Variants in AGBL1 observed in about 807,000 individuals in gnomAD.
The protein encoded by AGBL1 is cytosolic carboxypeptidase 4.
Under a neutral mutation model 118.9 loss-of-function variants are expected in AGBL1, and 130 were observed. That is an observed-to-expected ratio of 1.09 (90% CI 0.95 to 1.26). The LOEUF (loss-of-function observed/expected upper bound fraction) is 1.26, where lower values mean the gene tolerates loss of function less well. Among genes scored for constraint, AGBL1 ranks in the 50% most tolerant of loss-of-function variants. The pLI is 0.00. For missense variants in AGBL1, 1,584 were observed against 1,298.1 expected (o/e 1.22, Z -3.38); for synonymous variants, 555 against 478.9 (o/e 1.16, Z -2.08).
intron 5 of AGBL1, among the ~76,000 whole-genome samples, chr15:86,179,674 T>C (rs2077526860): frequency 6.6e-6 from 1 of 152,206 alleles, no homozygotes; most frequent in Non-Finnish European, 1.5e-5. Context: ...TCATTAAATC[T>C]ATTTAACATT....
intron 21 of AGBL1, among the ~76,000 whole-genome samples, chr15:86,660,191 C>A (rs2085517142): frequency 6.6e-6 from 1 of 151,916 alleles, no homozygotes; most frequent in Non-Finnish European, 1.5e-5. Flanking sequence ...AAAGGAGGGA[C>A]TGCAGTATCT....
In AGBL1 at chr15:86,910,636, T is replaced by G. The variant is rs1395890551; in HGVS notation, c.*3342T>G. 1.3e-5 allele frequency: 2 copies of G among 152,182 alleles called. No individual in the cohort carries two copies. Among genetic ancestry groups the G allele is most frequent in the African/African-American group, 4.8e-5 (2 of 41,440 alleles). 9.4% of individuals were successfully genotyped at this position (152,182 alleles called of 1,614,324 possible). ...TTGCATTCAGGTCAAAGATAATAAGTGCAGTTTGGGGACATGTTAAATGTT... is the reference window on the plus strand; with the variant it reads ...TTGCATTCAGGTCAAAGATAATAAGGGCAGTTTGGGGACATGTTAAATGTT... On this transcript the variant is annotated 3_prime_UTR_variant, in exon 23 of 23. Coordinates refer to ENST00000614907, the MANE Select transcript of AGBL1 (RefSeq NM_001386094.1).
At chr15:86,499,158 A>G (rs1490950131) in intron 18 of AGBL1, among the ~76,000 whole-genome samples, 1 of 151,910 alleles carries the variant, frequency 6.6e-6, no homozygotes, top group Non-Finnish European at 1.5e-5. Flanking sequence ...CAGAGAAACA[A>G]AGTTCTTATT....
chr15:86,460,379 C>T (rs1043053309), intron 18 of AGBL1, among the ~76,000 whole-genome samples: 1 of 147,548 alleles, frequency 6.8e-6, no homozygotes, highest in Non-Finnish European at 1.5e-5. Flanking sequence ...ACCTATAGTC[C>T]TAGCTACTTG....
At chr15:86,402,242 A>T (rs1046756180) in intron 18 of AGBL1, among the ~76,000 whole-genome samples, 3 of 151,610 alleles carry the variant, frequency 2.0e-5, no homozygotes, top group Admixed American at 6.6e-5. Context: ...AAAGTGACTG[A>T]GTTCTTGATT....
At position 86,909,937 on chromosome 15, in the gene AGBL1, T is replaced by G. The variant is rs1344816489; in HGVS notation, c.*2643T>G. ...GGAACATGAAGTATTTGTTGATCCA[T>G]CTATGTAACAAATGTATATTTAACC... On this transcript the variant is annotated 3_prime_UTR_variant, in exon 23 of 23. Coordinates refer to ENST00000614907, the MANE Select transcript of AGBL1 (RefSeq NM_001386094.1). The G allele has an allele frequency of 6.6e-6, 1 of 152,250 alleles. No homozygotes were observed. Among genetic ancestry groups the G allele is most frequent in the Non-Finnish European group, 1.5e-5 (1 of 68,046 alleles). The allele number at this position is 152,250 out of a possible 1,614,324, so 9.4% of individuals were successfully genotyped here.
In AGBL1 at chr15:86,762,387, C is replaced by T. The variant is rs573099556; in HGVS notation, c.3158+87951C>T. Among the ~76,000 whole-genome samples, 5 of 151,936 alleles carry T rather than the reference C, an allele frequency of 3.3e-5. No homozygotes were observed. In the East Asian group the frequency reaches 5.8e-4, roughly 18 times the overall value. ...CCAGAACTTAAAAAAATAAAAAATA[C>T]CCCCTGCCCCCTGCAAAAGATGAGC... On this transcript the variant is annotated intron_variant, in intron 22 of 22. Transcript: ENST00000614907.
At chr15:86,879,019 G>A (rs1217352728) in intron 22 of AGBL1, among the ~76,000 whole-genome samples, 3 of 152,246 alleles carry the variant, frequency 2.0e-5, no homozygotes, top group Non-Finnish European at 4.4e-5. Flanking sequence ...GCAGGAGCAT[G>A]AGTCAGACCA....
chr15:86,412,024 C>T (rs1371623324), intron 18 of AGBL1, among the ~76,000 whole-genome samples: 1 of 152,092 alleles, frequency 6.6e-6, no homozygotes, highest in Non-Finnish European at 1.5e-5. Context: ...AGACATTTGG[C>T]CCAAGGAATC....
chr15:86,359,879 G>A (rs2080777765), intron 17 of AGBL1, among the ~76,000 whole-genome samples: 1 of 151,860 alleles, frequency 6.6e-6, no homozygotes, highest in African/African-American at 2.4e-5. Context: ...GTGTAGAGAA[G>A]TGTGACTAAT....
chr15:86,666,402 C>T (rs1567111360), intron 21 of AGBL1, among the ~76,000 whole-genome samples: 1 of 151,942 alleles, frequency 6.6e-6, no homozygotes, highest in Non-Finnish European at 1.5e-5. Context: ...TCAATTGTTG[C>T]CCTATCTCTA....
intron 22 of AGBL1, among the ~76,000 whole-genome samples, chr15:86,818,900 C>A (rs2078901541): frequency 6.6e-6 from 1 of 152,090 alleles, no homozygotes; most frequent in Admixed American, 6.6e-5. Flanking sequence ...AATTCCTACT[C>A]CATGGTATTA....
chr15:86,310,216 G>A (rs1193237915), intron 17 of AGBL1, among the ~76,000 whole-genome samples: 1 of 152,180 alleles, frequency 6.6e-6, no homozygotes, highest in Non-Finnish European at 1.5e-5. Flanking sequence ...TGTTGCCACA[G>A]AATTGTTCAT....
chr15:86,185,519 A>G (rs185243817), intron 5 of AGBL1, among the ~76,000 whole-genome samples: 2 of 152,310 alleles, frequency 1.3e-5, no homozygotes, highest in East Asian at 1.9e-4. Context: ...ATGTCCATCA[A>G]TGATAGACTG....
intron 18 of AGBL1, among the ~76,000 whole-genome samples, chr15:86,423,072 C>T (rs2081814191): frequency 6.6e-6 from 1 of 152,180 alleles, no homozygotes; most frequent in African/African-American, 2.4e-5. Context: ...AGGGACTCCT[C>T]CCTAACTCAT....
intron 22 of AGBL1, among the ~76,000 whole-genome samples, chr15:86,783,911 G>T (rs755329572): frequency 1.3e-5 from 2 of 152,176 alleles, no homozygotes; most frequent in Non-Finnish European, 2.9e-5. Flanking sequence ...GATTACAGGC[G>T]TGAGCCACCA....
At chr15:86,562,777 C>A (rs1027456572) in intron 21 of AGBL1, among the ~76,000 whole-genome samples, 12 of 152,034 alleles carry the variant, frequency 7.9e-5, no homozygotes, top group African/African-American at 2.9e-4. Context: ...TGGTCCTGGA[C>A]TTTTTTTGGT....
chr15:86,318,214 A>T (rs1259221788), intron 17 of AGBL1, among the ~76,000 whole-genome samples: 1 of 152,214 alleles, frequency 6.6e-6, no homozygotes, highest in Non-Finnish European at 1.5e-5. Flanking sequence ...GTCATATTAC[A>T]TATACAAAAC....
chr15:86,827,308 TATATATATACAC>T (rs1252984854), intron 22 of AGBL1, among the ~76,000 whole-genome samples: 2 of 13,064 alleles, frequency 1.5e-4, no homozygotes, highest in African/African-American at 1.6e-3. Flanking sequence ...TATATGTATA[TATATATATACAC>T]ACACATATAT....
Sources: allele counts gnomAD v4.1 joint callset (sites outside exome capture counted in the v4.1 genomes callset), GRCh38; gene constraint gnomAD v4.1.1; transcripts MANE v1.5; gene names NCBI Gene and HGNC (gene_info 2026-07-23, HGNC 2026-07-21).